The following DIAPH3 variants were observed in gnomAD, a reference collection of about 807,000 sequenced individuals.
DIAPH3 encodes the protein protein diaphanous homolog 3.
Under a neutral mutation model 144.3 loss-of-function variants are expected in DIAPH3, and 117 were observed. The ratio of observed to expected loss-of-function variants is 0.81; its 90% CI spans 0.70 to 0.95. The LOEUF (loss-of-function observed/expected upper bound fraction) is 0.95. Among genes scored for constraint, DIAPH3 ranks in the 40% least tolerant of loss-of-function variants. The pLI, the probability that DIAPH3 is intolerant of heterozygous loss-of-function variation, is 0.00. For missense variants in DIAPH3, 1,421 were observed against 1,412.7 expected, an observed-to-expected ratio of 1.01 and a Z score of -0.09; for synonymous variants, 519 against 488.9, an observed-to-expected ratio of 1.06 and a Z score of -0.81.
chr13:59,738,581 T>A (rs1035020993), intron 27 of DIAPH3, among the ~76,000 whole-genome samples: 1 of 152,020 alleles, frequency 6.6e-6, no homozygotes, highest in Admixed American at 6.6e-5. Flanking sequence ...TTTACCCTAC[T>A]GTCAAATACT....
At chr13:60,033,268 G>T (rs2054941657) in intron 5 of DIAPH3, among the ~76,000 whole-genome samples, 1 of 152,040 alleles carries the variant, frequency 6.6e-6, no homozygotes, top group Non-Finnish European at 1.5e-5. Flanking sequence ...TCCAACCTCT[G>T]CCCATCACCC....
intron 5 of DIAPH3, among the ~76,000 whole-genome samples, chr13:60,026,066 T>C (rs1382171749): frequency 7.2e-5 from 11 of 152,136 alleles, no homozygotes. Flanking sequence ...ATATAAGAAA[T>C]GTATGTACAT....
At chr13:60,119,996 A>G (rs1421114190) in intron 2 of DIAPH3, among the ~76,000 whole-genome samples, 2 of 152,122 alleles carry the variant, frequency 1.3e-5, no homozygotes, top group Non-Finnish European at 2.9e-5. Flanking sequence ...TTACCATTTG[A>G]GAGAAAAATA....
intron 22 of DIAPH3, 160 bp downstream of exon 22, chr13:59,861,247 C>A: frequency 6.6e-7 from 1 of 1,519,370 alleles, no homozygotes; most frequent in South Asian, 1.3e-5. Context: ...CCAATCATGA[C>A]AACTCATAAT....
chr13:59,823,430 G>A (rs1314324287), intron 24 of DIAPH3, among the ~76,000 whole-genome samples: 1 of 152,100 alleles, frequency 6.6e-6, no homozygotes, highest in South Asian at 2.1e-4. Flanking sequence ...TAGGTTTGTG[G>A]CATTTAGCTC....
intron 20 of DIAPH3, among the ~76,000 whole-genome samples, chr13:59,906,301 C>A (rs1401130955): frequency 6.6e-6 from 1 of 151,874 alleles, no homozygotes; most frequent in Non-Finnish European, 1.5e-5. Flanking sequence ...TATGACACAG[C>A]CAAAAAGTTT....
intron 21 of DIAPH3, among the ~76,000 whole-genome samples, chr13:59,862,769 C>G (rs1026491838): frequency 6.6e-6 from 1 of 151,956 alleles, no homozygotes; most frequent in Non-Finnish European, 1.5e-5. Flanking sequence ...TTTTTCCTAA[C>G]TGCACCTATA....
chr13:59,774,962 G>C (rs754015712), intron 25 of DIAPH3, 139 bp from the exon 26 acceptor site: 1 of 712,156 alleles, frequency 1.4e-6, no homozygotes, highest in African/African-American at 1.8e-5. Context: ...TTTCAAAATA[G>C]GACAGGACTT....
At chr13:59,935,152 GT>G (rs1286864298) in intron 17 of DIAPH3, among the ~76,000 whole-genome samples, 3 of 152,186 alleles carry the variant, frequency 2.0e-5, no homozygotes, top group Non-Finnish European at 4.4e-5. Flanking sequence ...TGAAACTACA[GT>G]ATTCTCAAGA....
intron 27 of DIAPH3, among the ~76,000 whole-genome samples, chr13:59,687,810 AC>A (rs1267582600): frequency 3.9e-5 from 6 of 152,072 alleles, no homozygotes; most frequent in African/African-American, 1.4e-4. Context: ...TGCCATTATT[AC>A]CCACTGGGAA....
At chr13:59,763,675 C>T (rs115858702) in intron 27 of DIAPH3, among the ~76,000 whole-genome samples, 1 of 151,908 alleles carries the variant, frequency 6.6e-6, no homozygotes, top group South Asian at 2.1e-4. Flanking sequence ...CAGAGAGAAA[C>T]CCTGTCACAA....
chr13:59,996,777 G>A (rs1430449287), intron 9 of DIAPH3, among the ~76,000 whole-genome samples: 7 of 151,980 alleles, frequency 4.6e-5, no homozygotes, highest in Non-Finnish European at 8.8e-5. Flanking sequence ...CAGGGCAAAC[G>A]ATCAAAGGAA....
chr13:59,762,370 C>T (rs989528170), intron 27 of DIAPH3, among the ~76,000 whole-genome samples: 1 of 151,930 alleles, frequency 6.6e-6, no homozygotes, highest in African/African-American at 2.4e-5. Context: ...GCTTCAGCAT[C>T]TTTTATAATC....
intron 27 of DIAPH3, among the ~76,000 whole-genome samples, chr13:59,762,052 C>CCTTTTT (rs2037622500): frequency 1.7e-5 from 1 of 59,490 alleles, no homozygotes; most frequent in Non-Finnish European, 2.9e-5. Flanking sequence ...GCGTCAGCAT[C>CCTTTTT]TTTTTTTTTT....
intron 5 of DIAPH3, among the ~76,000 whole-genome samples, chr13:60,020,520 A>C (rs1465450361): frequency 1.3e-5 from 2 of 152,126 alleles, no homozygotes; most frequent in African/African-American, 4.8e-5. Context: ...AGCATGTGTC[A>C]CCACATTCAG....
chr13:59,821,142 C>G (rs1182659796), intron 24 of DIAPH3, among the ~76,000 whole-genome samples: 3 of 151,882 alleles, frequency 2.0e-5, no homozygotes, highest in African/African-American at 4.8e-5. Context: ...TTACTTTTTC[C>G]TAAGTATTCA....
chr13:59,798,263 G>A (rs973118423), intron 25 of DIAPH3, among the ~76,000 whole-genome samples: 1 of 152,078 alleles, frequency 6.6e-6, no homozygotes, highest in South Asian at 2.1e-4. Context: ...ATCCATCTGC[G>A]TTTTTGCTAC....
At chr13:59,813,572 G>A (rs1276164147) in intron 24 of DIAPH3, among the ~76,000 whole-genome samples, 1 of 151,988 alleles carries the variant, frequency 6.6e-6, no homozygotes, top group Non-Finnish European at 1.5e-5. Flanking sequence ...ATCAACATAA[G>A]AGGCTGGGCA....
rs530746284 is a variant in DIAPH3 at position 59,798,049 on chromosome 13, C to T, written c.3163+12739G>A. Among the ~76,000 whole-genome samples, 3 of 152,250 alleles carry T rather than the reference C, an allele frequency of 2.0e-5. No homozygotes were observed. In the East Asian group the frequency reaches 5.8e-4, roughly 29 times the overall value. ...GTTCTAAAGCTGGTAGGAGCAGCAT[C>T]ACCTACCTGTTCATGAAGTATTCTC... On this transcript the variant is annotated intron_variant, in intron 25 of 27. Coordinates refer to ENST00000400324, the MANE Select transcript of DIAPH3 (RefSeq NM_001042517.2).
Sources: allele counts gnomAD v4.1 joint callset (sites outside exome capture counted in the v4.1 genomes callset), GRCh38; gene constraint gnomAD v4.1.1; transcripts MANE v1.5; gene names NCBI Gene and HGNC (gene_info 2026-07-23, HGNC 2026-07-21).